L3MBTL4: variants seen among roughly 807,000 people sequenced by gnomAD.
The protein encoded by L3MBTL4 is L3MBTL histone methyl-lysine binding protein 4, also known as lethal(3)malignant brain tumor-like protein 4.
In L3MBTL4, 70 loss-of-function variants were observed where a neutral mutation model predicts 84.5. The ratio of observed to expected loss-of-function variants is 0.83; its 90% CI spans 0.68 to 1.01. The LOEUF is 1.01. L3MBTL4 is among the 50% of genes least tolerant of loss of function. L3MBTL4 has a pLI of 0.00. For synonymous variants in L3MBTL4, 274 were observed against 259.8 expected, an observed-to-expected ratio of 1.05 and a Z score of -0.52; for missense variants, 715 against 754.8, an observed-to-expected ratio of 0.95 and a Z score of 0.62.
At chr18:6,406,950 C>G (rs1446869592) in intron 1 of L3MBTL4, among the ~76,000 whole-genome samples, 2 of 152,148 alleles carry the variant, frequency 1.3e-5, no homozygotes, top group Non-Finnish European at 2.9e-5. Context: ...GAAATAAATG[C>G]AATGTAAAGC....
Position 6,061,380 on chromosome 18 carries a change from G to A in L3MBTL4, c.1444+19501C>T, listed in dbSNP as rs547590211. Among the ~76,000 whole-genome samples, 13 of 151,952 alleles carry A rather than the reference G, an allele frequency of 8.6e-5. No homozygotes were observed. The South Asian group carries it at 1.0e-3, about 12-fold the overall frequency. ...ATTAGCAGTTCTTTGTACATTTTGC[G>A]TACAATTCCTTTCTTAGATATATGT... On this transcript the variant is annotated intron_variant, in intron 16 of 18. Transcript: ENST00000317931.
At chr18:6,101,367 G>A (rs927716620) in intron 14 of L3MBTL4, among the ~76,000 whole-genome samples, 2 of 152,222 alleles carry the variant, frequency 1.3e-5, no homozygotes, top group East Asian at 1.9e-4. Flanking sequence ...CCAGGTTTGC[G>A]TGGGAGGAAT....
At chr18:6,301,573 C>T (rs530958726) in intron 4 of L3MBTL4, among the ~76,000 whole-genome samples, 1 of 152,242 alleles carries the variant, frequency 6.6e-6, no homozygotes, top group Admixed American at 6.5e-5. Flanking sequence ...CTGGGAAAAG[C>T]TCACACAAAG....
chr18:6,118,763 C>T (rs548466318), intron 14 of L3MBTL4, among the ~76,000 whole-genome samples: 1 of 152,272 alleles, frequency 6.6e-6, no homozygotes, highest in South Asian at 2.1e-4. Context: ...ATAAAAATTT[C>T]ATTAACTACT....
At chr18:5,990,764 CATGTGGGTGTGT>C (rs1239461821) in intron 16 of L3MBTL4, among the ~76,000 whole-genome samples, 1 of 120,948 alleles carries the variant, frequency 8.3e-6, no homozygotes, top group African/African-American at 4.5e-5. Context: ...TAGTAGGGTT[CATGTGGGTGTGT>C]GTGTGTGTGT....
chr18:6,055,818 A>G (rs760839665), intron 16 of L3MBTL4, among the ~76,000 whole-genome samples: 17 of 152,184 alleles, frequency 1.1e-4, no homozygotes, highest in Non-Finnish European at 2.5e-4. Flanking sequence ...CCAGGGAAGG[A>G]TCCTTCCACT....
In L3MBTL4 at chr18:5,969,521, C is replaced by G; in HGVS notation, c.1486G>C (p.Val496Leu). Residue 496 changes from valine (V) to leucine (L), a missense_variant, in exon 17 of 19, where the codon GTG becomes CTG. Coordinates refer to ENST00000317931, the MANE Select transcript of L3MBTL4 (RefSeq NM_001330559.2). ...TGGGCTGACACCGTGGACATGGACA[C>G]TGACTGGTGAAGCACCTGCTGCGCC... ...EQAQQVLHQS[V>L]SMSTVSAHPF... 1 of 1,613,340 alleles carries G rather than the reference C, an allele frequency of 6.2e-7. No homozygotes were observed. The highest frequency in any genetic ancestry group is 8.5e-7 in the Non-Finnish European group (1 of 1,179,638).
chr18:6,078,473 A>ACATGG lies in L3MBTL4; in HGVS notation c.1444+2403_1444+2407dup, dbSNP rs1475941314. 2.7e-3 allele frequency among the ~76,000 whole-genome samples: 408 copies of ACATGG among 151,276 alleles called. 2 individuals carry two copies. Among genetic ancestry groups the ACATGG allele is most frequent in the African/African-American group, 9.5e-3 (393 of 41,194 alleles). ...AAAAAAAAGGGGAAAAAAAGGAAGG[A>ACATGG]CATGGGTACTGGATATTATGATCAG... On this transcript the variant is annotated intron_variant, in intron 16 of 18. Coordinates refer to ENST00000317931, the MANE Select transcript of L3MBTL4 (RefSeq NM_001330559.2).
chr18:6,276,685 A>G (rs2049094037), intron 4 of L3MBTL4, among the ~76,000 whole-genome samples: 1 of 151,532 alleles, frequency 6.6e-6, no homozygotes, highest in Admixed American at 6.6e-5. Flanking sequence ...ACCTGTATCC[A>G]TCATAAATTC....
intron 13 of L3MBTL4, among the ~76,000 whole-genome samples, chr18:6,138,575 C>T (rs1364196841): frequency 6.6e-6 from 1 of 152,094 alleles, no homozygotes; most frequent in African/African-American, 2.4e-5. Flanking sequence ...ATTTTTGAGA[C>T]TAAGTCTCAC....
intron 15 of L3MBTL4, among the ~76,000 whole-genome samples, chr18:6,087,794 T>C (rs187146152): frequency 7.2e-5 from 11 of 152,346 alleles, no homozygotes; most frequent in African/African-American, 2.6e-4. Flanking sequence ...GACATGGAAC[T>C]ATTATTTCAA....
At chr18:6,056,425 GC>G (rs1568043226) in intron 16 of L3MBTL4, among the ~76,000 whole-genome samples, 2 of 152,186 alleles carry the variant, frequency 1.3e-5, no homozygotes, top group African/African-American at 4.8e-5. Context: ...TAGGCAGGAG[GC>G]ACTGGGCAGG....
intron 1 of L3MBTL4, among the ~76,000 whole-genome samples, chr18:6,370,214 T>G (rs2054103926): frequency 6.6e-6 from 1 of 151,996 alleles, no homozygotes; most frequent in South Asian, 2.1e-4. Flanking sequence ...TAGGTGAGAT[T>G]TTTATCCGGT....
intron 16 of L3MBTL4, among the ~76,000 whole-genome samples, chr18:6,055,728 A>T (rs1426445834): frequency 6.6e-6 from 1 of 152,194 alleles, no homozygotes; most frequent in African/African-American, 2.4e-5. Flanking sequence ...AGCACAAAGC[A>T]TCATCTCACA....
chr18:6,234,912 C>G (rs995360278), intron 10 of L3MBTL4, among the ~76,000 whole-genome samples: 1 of 152,162 alleles, frequency 6.6e-6, no homozygotes, highest in Non-Finnish European at 1.5e-5. Flanking sequence ...GACTTGGAAC[C>G]AGCCCAAATG....
intron 16 of L3MBTL4, among the ~76,000 whole-genome samples, chr18:6,016,907 G>A (rs995172306): frequency 1.1e-4 from 16 of 152,162 alleles, no homozygotes; most frequent in African/African-American, 2.9e-4. Context: ...AGCCTGTGGG[G>A]AAGGGGCATG....
chr18:6,066,016 C>T (rs571628345), intron 16 of L3MBTL4, among the ~76,000 whole-genome samples: 15 of 152,112 alleles, frequency 9.9e-5, no homozygotes, highest in African/African-American at 3.4e-4. Flanking sequence ...CCTGTTTGGG[C>T]TGCTTTTGCT....
intron 13 of L3MBTL4, among the ~76,000 whole-genome samples, chr18:6,158,075 A>T (rs2043173801): frequency 6.6e-6 from 1 of 152,180 alleles, no homozygotes; most frequent in Non-Finnish European, 1.5e-5. Flanking sequence ...GCCTCTACAG[A>T]TGCATGTTGG....
intron 16 of L3MBTL4, among the ~76,000 whole-genome samples, chr18:6,040,185 CAAAT>C (rs1404257055): frequency 1.3e-5 from 2 of 151,834 alleles, no homozygotes; most frequent in Admixed American, 6.6e-5. Flanking sequence ...TTTTCCTGTG[CAAAT>C]AAATAAATAA....
Sources: allele counts gnomAD v4.1 joint callset (sites outside exome capture counted in the v4.1 genomes callset), GRCh38; gene constraint gnomAD v4.1.1; transcripts MANE v1.5; gene names NCBI Gene and HGNC (gene_info 2026-07-23, HGNC 2026-07-21).